PDE4B: variants seen among roughly 807,000 people sequenced by gnomAD.
The protein encoded by PDE4B is 3',5'-cyclic-AMP phosphodiesterase 4B.
Under a neutral mutation model 82.2 loss-of-function variants are expected in PDE4B, and 20 were observed. That is an observed-to-expected ratio of 0.24 (90% CI 0.17 to 0.35). The LOEUF (loss-of-function observed/expected upper bound fraction) is 0.35, where lower values mean the gene tolerates loss of function less well. Ranked by LOEUF, PDE4B falls within the 10% of genes least tolerant of loss-of-function variation. The pLI, the probability that PDE4B is intolerant of heterozygous loss-of-function variation, is 1.00. For missense variants in PDE4B, 655 were observed against 907.2 expected (o/e 0.72, Z 3.57); for synonymous variants, 320 against 318.9 (o/e 1.00, Z -0.04).
chr1:65,850,070 A>C (rs1047518821), intron 1 of PDE4B, among the ~76,000 whole-genome samples: 19 of 145,980 alleles, frequency 1.3e-4, no homozygotes, highest in Non-Finnish European at 2.8e-4. Context: ...TGTTTCAGTT[A>C]CTCCATATCA....
intron 3 of PDE4B, chr1:66,048,746 A>C (rs1187032888): frequency 6.6e-6 from 1 of 151,962 alleles, no homozygotes. Flanking sequence ...CGGATGTTTT[A>C]TAACTGATAA....
chr1:65,914,470 C>T (rs201152070), intron 2 of PDE4B, among the ~76,000 whole-genome samples: 2 of 145,058 alleles, frequency 1.4e-5, no homozygotes, highest in Admixed American at 6.9e-5. Flanking sequence ...TCTTCTTCTT[C>T]TTTTTTTTTT....
Position 66,266,028 on chromosome 1 carries a change from G to A in PDE4B, c.585-10G>A. 6.2e-7 allele frequency: 1 copy of A among 1,611,260 alleles called. No individual in the cohort carries two copies. Among genetic ancestry groups the A allele is most frequent in the Non-Finnish European group, 8.5e-7 (1 of 1,177,482 alleles). ...CACAGACTCAGTCCTTCTTTTCTCT[G>A]TCTCCACAGGAGGTCCCCAGCTGCT... On this transcript the variant is annotated splice_polypyrimidine_tract_variant and intron_variant, in intron 6 of 16. Transcript: ENST00000341517.
intron 3 of PDE4B, among the ~76,000 whole-genome samples, chr1:65,988,637 T>C (rs951748478): frequency 1.1e-5 from 1 of 88,850 alleles, no homozygotes; most frequent in Non-Finnish European, 2.9e-5. Context: ...TTTTAAAGAT[T>C]TTTTTTTAAA....
intron 3 of PDE4B, among the ~76,000 whole-genome samples, chr1:66,133,631 G>C (rs1645996653): frequency 6.6e-6 from 1 of 152,196 alleles, no homozygotes; most frequent in Non-Finnish European, 1.5e-5. Flanking sequence ...TATCCTCATA[G>C]CTTCTTTAGG....
chr1:66,218,881 A>G (rs1021062745), intron 3 of PDE4B, among the ~76,000 whole-genome samples: 1 of 152,152 alleles, frequency 6.6e-6, no homozygotes, highest in Non-Finnish European at 1.5e-5. Context: ...GCTATCTTTA[A>G]AAAAGCTGTT....
In PDE4B at chr1:66,361,644, C is replaced by A; in HGVS notation, c.871C>A (p.Pro291Thr). Residue 291 changes from proline to threonine, a missense_variant, in exon 10 of 17, where the codon CCT (proline) becomes ACT (threonine). Transcript: ENST00000341517. ...DKQNDVEIPS[P>T]TQKDREKKKK... ...GCAGAATGATGTGGAGATCCCATCTCCTACCCAGAAAGACAGGGAGAAAAA... is the reference window on the plus strand; with the variant it reads ...GCAGAATGATGTGGAGATCCCATCTACTACCCAGAAAGACAGGGAGAAAAA... The A allele has an allele frequency of 1.2e-6, 2 of 1,613,226 alleles. No individual in the cohort carries two copies. Among genetic ancestry groups the A allele is most frequent in the Non-Finnish European group, 1.7e-6 (2 of 1,179,464 alleles).
Position 66,078,248 on chromosome 1 carries a change from G to C in PDE4B, c.281+159413G>C, listed in dbSNP as rs138260591. 6.6e-5 allele frequency among the ~76,000 whole-genome samples: 10 copies of C among 151,366 alleles called. No individual in the cohort carries two copies. The East Asian group carries it at 1.6e-3, about 24-fold the overall frequency. ...GTCTTGCTCTGCTACCCAGGCTGGA[G>C]TGCAGTGGCATAATCTCAGCTCACT... is the stretch of plus-strand genomic sequence containing the variant. On this transcript the variant is annotated intron_variant, in intron 3 of 16. Coordinates refer to ENST00000341517, the MANE Select transcript of PDE4B (RefSeq NM_002600.4).
intron 7 of PDE4B, among the ~76,000 whole-genome samples, chr1:66,326,489 T>G (rs188170479): frequency 3.3e-5 from 5 of 152,358 alleles, no homozygotes; most frequent in Non-Finnish European, 2.9e-5. Flanking sequence ...TCATATACAT[T>G]TTAATATTTG....
chr1:65,881,647 G>T (rs1480420167), intron 1 of PDE4B, among the ~76,000 whole-genome samples: 2 of 152,112 alleles, frequency 1.3e-5, no homozygotes, highest in Non-Finnish European at 2.9e-5. Flanking sequence ...CCCACAATGG[G>T]CATAGTTTTG....
chr1:65,854,793 T>TC (rs893371535), intron 1 of PDE4B, among the ~76,000 whole-genome samples: 29 of 151,982 alleles, frequency 1.9e-4, no homozygotes, highest in African/African-American at 6.0e-4. Flanking sequence ...TTTTCCATTT[T>TC]CCCCATCTTT....
intron 1 of PDE4B, among the ~76,000 whole-genome samples, chr1:65,887,703 C>G (rs1264259198): frequency 6.6e-6 from 1 of 151,940 alleles, no homozygotes; most frequent in Admixed American, 6.6e-5. Flanking sequence ...CAGGCATGAG[C>G]CACCATGCCC....
At chr1:65,806,048 T>C (rs1272679611) in intron 1 of PDE4B, among the ~76,000 whole-genome samples, 1 of 152,182 alleles carries the variant, frequency 6.6e-6, no homozygotes, top group African/African-American at 2.4e-5. Context: ...TTATTAATTC[T>C]GAAGTCAATT....
At chr1:66,094,154 C>T (rs899221733) in intron 3 of PDE4B, among the ~76,000 whole-genome samples, 3 of 151,924 alleles carry the variant, frequency 2.0e-5, no homozygotes, top group Admixed American at 6.6e-5. Flanking sequence ...TGACTAGAGA[C>T]CAGAAAGAAG....
intron 3 of PDE4B, among the ~76,000 whole-genome samples, chr1:65,976,480 A>T (rs1650413653): frequency 6.6e-6 from 1 of 151,898 alleles, no homozygotes; most frequent in Non-Finnish European, 1.5e-5. Context: ...ATGAGTTAAG[A>T]CTCTGTGGGA....
intron 3 of PDE4B, among the ~76,000 whole-genome samples, chr1:66,139,677 C>T (rs1172027447): frequency 1.3e-5 from 2 of 150,734 alleles, no homozygotes; most frequent in African/African-American, 4.9e-5. Flanking sequence ...CTACCATCCC[C>T]CTAGAAACAA....
intron 3 of PDE4B, among the ~76,000 whole-genome samples, chr1:66,189,607 T>A (rs1647554477): frequency 6.6e-6 from 1 of 152,234 alleles, no homozygotes; most frequent in Non-Finnish European, 1.5e-5. Flanking sequence ...TGATACCCTC[T>A]CTTCCAGTTG....
At chr1:65,868,470 T>A (rs1435541650) in intron 1 of PDE4B, among the ~76,000 whole-genome samples, 2 of 152,124 alleles carry the variant, frequency 1.3e-5, no homozygotes, top group Admixed American at 1.3e-4. Flanking sequence ...CTGAGTTGAG[T>A]TGACGTTTTA....
intron 3 of PDE4B, among the ~76,000 whole-genome samples, chr1:66,198,082 A>G (rs1226401379): frequency 1.3e-5 from 2 of 152,194 alleles, no homozygotes; most frequent in African/African-American, 2.4e-5. Flanking sequence ...GTAGAGATCA[A>G]GTAGGCTGGA....
Sources: allele counts gnomAD v4.1 joint callset (sites outside exome capture counted in the v4.1 genomes callset), GRCh38; gene constraint gnomAD v4.1.1; transcripts MANE v1.5; gene names NCBI Gene and HGNC (gene_info 2026-07-23, HGNC 2026-07-21).